CMTM8: variants seen among roughly 807,000 people sequenced by gnomAD.
CMTM8 encodes the protein CKLF-like MARVEL transmembrane domain-containing protein 8.
Under a neutral mutation model 18.6 loss-of-function variants are expected in CMTM8, and 12 were observed. The observed-to-expected ratio is 0.65, with a 90% CI of 0.41 to 1.05. The LOEUF (loss-of-function observed/expected upper bound fraction) is 1.05. Among genes scored for constraint, CMTM8 ranks in the 50% least tolerant of loss-of-function variants. The probability of loss-of-function intolerance (pLI) is 0.00; values close to 1 mark genes in which losing one functional copy is unlikely to be tolerated. For missense variants in CMTM8, 217 were observed against 227.2 expected, an observed-to-expected ratio of 0.95 and a Z score of 0.29; for synonymous variants, 87 against 90.6, an observed-to-expected ratio of 0.96 and a Z score of 0.23.
chr3:32,291,341 C>T (rs1312279486), intron 1 of CMTM8, among the ~76,000 whole-genome samples: 1 of 151,140 alleles, frequency 6.6e-6, no homozygotes, highest in Non-Finnish European at 1.5e-5. Flanking sequence ...AGGGTTTCAC[C>T]GTGTTAGCCG....
intron 1 of CMTM8, among the ~76,000 whole-genome samples, chr3:32,263,104 G>A (rs1032866996): frequency 1.3e-5 from 2 of 151,740 alleles, no homozygotes; most frequent in African/African-American, 2.4e-5. Context: ...GAAGACAGTA[G>A]CGGTTCTCTC....
At chr3:32,334,376 G>A (rs146375399) in intron 1 of CMTM8, among the ~76,000 whole-genome samples, 7,311 of 151,982 alleles carry the variant, frequency 0.048, 224 homozygotes, top group Middle Eastern at 0.13. Flanking sequence ...GGAGGCCCAG[G>A]CAGGCAGATC....
intron 1 of CMTM8, among the ~76,000 whole-genome samples, chr3:32,264,132 C>G (rs1338519148): frequency 6.6e-6 from 1 of 152,096 alleles, no homozygotes; most frequent in African/African-American, 2.4e-5. Flanking sequence ...AAGAGCAACT[C>G]CAAGACACAT....
At chr3:32,257,517 C>A (rs760342431) in intron 1 of CMTM8, among the ~76,000 whole-genome samples, 94 of 152,234 alleles carry the variant, frequency 6.2e-4, no homozygotes, top group South Asian at 1.5e-3. Context: ...AGAAAAATTA[C>A]ACTTTAAGCC....
At chr3:32,317,593 A>C (rs183414642) in intron 1 of CMTM8, among the ~76,000 whole-genome samples, 188 of 152,324 alleles carry the variant, frequency 1.2e-3, no homozygotes, top group Admixed American at 2.2e-3. Context: ...CTTCTGTATA[A>C]ACTTACCCTA....
chr3:32,305,945 A>G (rs1695707482), intron 1 of CMTM8, among the ~76,000 whole-genome samples: 1 of 152,252 alleles, frequency 6.6e-6, no homozygotes, highest in Admixed American at 6.5e-5. Flanking sequence ...TATGCTATTA[A>G]AATCAATTCA....
At chr3:32,332,882 C>T (rs1696307276) in intron 1 of CMTM8, among the ~76,000 whole-genome samples, 1 of 152,124 alleles carries the variant, frequency 6.6e-6, no homozygotes, top group Admixed American at 6.5e-5. Context: ...ATCCTCATTT[C>T]TTACTGTTAT....
chr3:32,310,157 G>T (rs63076660), intron 1 of CMTM8, among the ~76,000 whole-genome samples: 2 of 97,272 alleles, frequency 2.1e-5, no homozygotes, highest in Non-Finnish European at 4.3e-5. Flanking sequence ...TTAAAATTGT[G>T]GTTTTTTTTT....
intron 1 of CMTM8, among the ~76,000 whole-genome samples, chr3:32,316,730 A>C (rs1432684015): frequency 1.3e-5 from 2 of 152,174 alleles, no homozygotes; most frequent in East Asian, 3.8e-4. Context: ...CAGGGGAAAT[A>C]ATATTTGGGA....
intron 1 of CMTM8, among the ~76,000 whole-genome samples, chr3:32,306,212 A>G (rs6765866): frequency 0.036 from 5,528 of 152,300 alleles, 330 homozygotes; most frequent in African/African-American, 0.12. Flanking sequence ...TCCATGGCAC[A>G]TTGTTGTCAT....
intron 1 of CMTM8, among the ~76,000 whole-genome samples, chr3:32,247,317 A>AT (rs1225728978): frequency 6.6e-6 from 1 of 151,706 alleles, no homozygotes; most frequent in Non-Finnish European, 1.5e-5. Flanking sequence ...TTATTTTAGA[A>AT]TTTTTTTTCC....
intron 1 of CMTM8, among the ~76,000 whole-genome samples, chr3:32,315,492 G>T (rs1185257741): frequency 6.6e-6 from 1 of 152,182 alleles, no homozygotes; most frequent in Non-Finnish European, 1.5e-5. Flanking sequence ...AAACGGGGCA[G>T]GATGAACCAG....
At position 32,367,862 on chromosome 3, in the gene CMTM8, G is replaced by T. The variant is rs1281006796; in HGVS notation, c.322-10G>T. The T allele has an allele frequency of 6.3e-7, 1 of 1,598,574 alleles. No homozygotes were observed. Among genetic ancestry groups the T allele is most frequent in the Non-Finnish European group, 8.6e-7 (1 of 1,166,570 alleles). ...CTCTCCCTAAACACTCTGCCCCTGT[G>T]TCCCCCCAGGGCCTGTGCTTTAACG... On this transcript the variant is annotated splice_polypyrimidine_tract_variant and intron_variant, in intron 2 of 3. Coordinates refer to ENST00000307526, the MANE Select transcript of CMTM8 (RefSeq NM_178868.5).
At chr3:32,346,826 T>C (rs1046918790) in intron 1 of CMTM8, among the ~76,000 whole-genome samples, 7 of 151,268 alleles carry the variant, frequency 4.6e-5, no homozygotes, top group Non-Finnish European at 8.9e-5. Flanking sequence ...TTTTTTTTTT[T>C]TTTTCTTTTT....
intron 1 of CMTM8, among the ~76,000 whole-genome samples, chr3:32,292,328 G>T (rs1702794472): frequency 6.6e-6 from 1 of 152,186 alleles, no homozygotes; most frequent in East Asian, 1.9e-4. Context: ...ATGCCTCACA[G>T]ATAAGACAGG....
chr3:32,287,470 C>T (rs1702706634), intron 1 of CMTM8, among the ~76,000 whole-genome samples: 2 of 152,140 alleles, frequency 1.3e-5, no homozygotes, highest in Non-Finnish European at 1.5e-5. Context: ...TACCATTAAA[C>T]TATTACTAAC....
At position 32,239,072 on chromosome 3, in the gene CMTM8, C is replaced by T. The variant is rs753516525; in HGVS notation, c.100C>T (p.Arg34Trp). The T allele has an allele frequency of 6.2e-7, 1 of 1,600,172 alleles. No homozygotes were observed. Among genetic ancestry groups the T allele is most frequent in the Admixed American group, 1.7e-5 (1 of 58,576 alleles). ...CAGCAGCAGCAGCTTCGCCTACGACCGGGAGTTCCTCCGCACCCTGCCCGG... is the reference window on the plus strand; with the variant it reads ...CAGCAGCAGCAGCTTCGCCTACGACTGGGAGTTCCTCCGCACCCTGCCCGG... ...STSSSSFAYD[R>W]EFLRTLPGFL... Residue 34 changes from arginine to tryptophan, a missense_variant, in exon 1 of 4, where the codon CGG becomes TGG. By Grantham distance (101) the Arg-to-Trp change is moderately radical (BLOSUM62 -3). Coordinates refer to ENST00000307526, the MANE Select transcript of CMTM8 (RefSeq NM_178868.5).
intron 1 of CMTM8, among the ~76,000 whole-genome samples, chr3:32,275,632 C>T (rs1702505473): frequency 6.8e-6 from 1 of 147,330 alleles, no homozygotes; most frequent in Admixed American, 7.1e-5. Flanking sequence ...ACAAAGGCCC[C>T]CCATGTACTT....
At chr3:32,312,451 A>T (rs1394974410) in intron 1 of CMTM8, among the ~76,000 whole-genome samples, 1 of 151,120 alleles carries the variant, frequency 6.6e-6, no homozygotes, top group Admixed American at 6.6e-5. Context: ...AAAGGATATT[A>T]CAAAGGATAC....
Sources: allele counts gnomAD v4.1 joint callset (sites outside exome capture counted in the v4.1 genomes callset), GRCh38; gene constraint gnomAD v4.1.1; transcripts MANE v1.5; gene names NCBI Gene and HGNC (gene_info 2026-07-23, HGNC 2026-07-21).